Variants in GPC6 observed in about 807,000 individuals in gnomAD.
The protein encoded by GPC6 is glypican 6.
GPC6 carries 14 observed loss-of-function variants against 55.2 expected under a neutral mutation model. The observed-to-expected ratio is 0.25, with a 90% CI of 0.17 to 0.40. The LOEUF is 0.40. GPC6 is among the 10% of genes least tolerant of loss of function. The pLI is 1.00. For missense variants in GPC6, 641 were observed against 708.5 expected, an observed-to-expected ratio of 0.90 and a Z score of 1.08; for synonymous variants, 278 against 259.6, an observed-to-expected ratio of 1.07 and a Z score of -0.68.
chr13:93,588,819 C>T (rs986729036), intron 2 of GPC6, among the ~76,000 whole-genome samples: 5 of 152,266 alleles, frequency 3.3e-5, no homozygotes, highest in African/African-American at 1.2e-4. Flanking sequence ...TACATTTCAA[C>T]ATGAGATTTG....
At chr13:94,364,958 G>T (rs148883364) in intron 6 of GPC6, among the ~76,000 whole-genome samples, 361 of 152,296 alleles carry the variant, frequency 2.4e-3, no homozygotes, top group African/African-American at 8.4e-3. Flanking sequence ...ATTTGAACTT[G>T]CCCTTCTGCC....
chr13:94,105,262 G>T (rs180938487), intron 4 of GPC6, among the ~76,000 whole-genome samples: 1 of 152,272 alleles, frequency 6.6e-6, no homozygotes, highest in Non-Finnish European at 1.5e-5. Context: ...AGGAGTCTGA[G>T]ATGGGAGGAT....
chr13:94,028,041 G>C (rs549059414), intron 4 of GPC6, 147 bp downstream of exon 4: 3 of 756,646 alleles, frequency 4.0e-6, no homozygotes, highest in Non-Finnish European at 6.9e-6. Context: ...AGTACAGATG[G>C]ATTGCTTGAG....
chr13:93,784,746 T>C (rs1231109879), intron 2 of GPC6, among the ~76,000 whole-genome samples: 1 of 152,136 alleles, frequency 6.6e-6, no homozygotes, highest in Non-Finnish European at 1.5e-5. Context: ...TCCTTGTAAA[T>C]TGAAATTATA....
At chr13:94,155,954 C>T (rs1372720909) in intron 4 of GPC6, among the ~76,000 whole-genome samples, 4 of 152,110 alleles carry the variant, frequency 2.6e-5, no homozygotes, top group Non-Finnish European at 5.9e-5. Flanking sequence ...TCATTTGATC[C>T]TCACAGGTGC....
At chr13:93,350,986 G>A (rs906703417) in intron 1 of GPC6, among the ~76,000 whole-genome samples, 8 of 152,026 alleles carry the variant, frequency 5.3e-5, no homozygotes, top group Admixed American at 3.3e-4. Flanking sequence ...AAATGAAGTA[G>A]TTGAACCCTG....
intron 6 of GPC6, among the ~76,000 whole-genome samples, chr13:94,379,809 G>A (rs1304689801): frequency 6.6e-6 from 1 of 152,132 alleles, no homozygotes; most frequent in African/African-American, 2.4e-5. Context: ...GGACACTGTG[G>A]ATAAAGATAA....
At chr13:93,421,862 T>A (rs1054329601) in intron 1 of GPC6, among the ~76,000 whole-genome samples, 1 of 152,172 alleles carries the variant, frequency 6.6e-6, no homozygotes, top group African/African-American at 2.4e-5. Context: ...GGATGCTAAG[T>A]GGAGTATGTG....
At chr13:93,345,518 TA>T (rs1880397188) in intron 1 of GPC6, among the ~76,000 whole-genome samples, 1 of 151,940 alleles carries the variant, frequency 6.6e-6, no homozygotes, top group South Asian at 2.1e-4. Flanking sequence ...AATTAAAAAT[TA>T]AAAAACTGCA....
chr13:93,780,727 T>C (rs1424464227), intron 2 of GPC6, among the ~76,000 whole-genome samples: 1 of 152,172 alleles, frequency 6.6e-6, no homozygotes, highest in Non-Finnish European at 1.5e-5. Flanking sequence ...ATAGAATGAT[T>C]CAACAATAAT....
At chr13:93,340,381 G>T (rs562131281) in intron 1 of GPC6, among the ~76,000 whole-genome samples, 2 of 152,066 alleles carry the variant, frequency 1.3e-5, no homozygotes, top group Non-Finnish European at 2.9e-5. Flanking sequence ...CATTTTCAAG[G>T]CTCTTGAGAT....
chr13:94,242,091 C>T (rs1891071612), intron 4 of GPC6, among the ~76,000 whole-genome samples: 1 of 151,886 alleles, frequency 6.6e-6, no homozygotes, highest in Non-Finnish European at 1.5e-5. Flanking sequence ...ACAACAGGCC[C>T]CGGTGTGTGA....
chr13:94,226,924 C>G (rs1177939836), intron 4 of GPC6, among the ~76,000 whole-genome samples: 1 of 152,100 alleles, frequency 6.6e-6, no homozygotes, highest in Non-Finnish European at 1.5e-5. Flanking sequence ...GGAAAGATGC[C>G]ATGAACCAGC....
rs573166485 is a variant in GPC6, at chr13:93,983,546, C to T, written c.712-44183C>T. 8.9e-4 allele frequency among the ~76,000 whole-genome samples: 135 copies of T among 152,146 alleles called. 1 individual carries two copies. Among genetic ancestry groups the T allele is most frequent in the African/African-American group, 3.0e-3 (125 of 41,512 alleles). On this transcript the variant is annotated intron_variant, in intron 3 of 8. Transcript: ENST00000377047. ...CAACTCCTGGGCTCAAGCAATCCTC[C>T]CACATCATCCTCTTGAGTAGCTGAG...
intron 4 of GPC6, among the ~76,000 whole-genome samples, chr13:94,157,533 A>G (rs1474183668): frequency 6.6e-6 from 1 of 152,158 alleles, no homozygotes; most frequent in Non-Finnish European, 1.5e-5. Context: ...TGTTCTCACA[A>G]CAGTGGGCAG....
chr13:93,862,761 C>T (rs1888854905), intron 3 of GPC6, among the ~76,000 whole-genome samples: 1 of 151,672 alleles, frequency 6.6e-6, no homozygotes, highest in South Asian at 2.1e-4. Flanking sequence ...TTATTATTCC[C>T]TATGTTGCCA....
chr13:93,495,133 C>T lies in GPC6; in HGVS notation c.161-50130C>T, dbSNP rs896315274. The stretch of plus-strand genomic sequence containing the variant: ...CTGCAGAGTGTTTTCCAACTTGGTT[C>T]CATTCTCCGCATCACTTTCAGGTAC... On this transcript the variant is annotated intron_variant, in intron 1 of 8. Transcript: ENST00000377047. Among the ~76,000 whole-genome samples, 596 of 108,310 alleles carry T rather than the reference C, an allele frequency of 5.5e-3. 48 individuals carry two copies. The highest frequency in any genetic ancestry group is 0.019 in the African/African-American group (557 of 29,062). 71.1% of individuals were successfully genotyped at this position (108,310 alleles called of 152,430 possible).
chr13:93,558,342 A>G (rs375073976), intron 2 of GPC6, among the ~76,000 whole-genome samples: 3 of 152,312 alleles, frequency 2.0e-5, no homozygotes, highest in East Asian at 3.9e-4. Context: ...AGCCACTTAG[A>G]TAAGAGCATA....
intron 1 of GPC6, among the ~76,000 whole-genome samples, chr13:93,522,664 A>AAAGAC (rs1881465848): frequency 6.6e-6 from 1 of 151,890 alleles, no homozygotes; most frequent in Non-Finnish European, 1.5e-5. Context: ...CTAAGTCATC[A>AAAGAC]AAGACAAAAC....
Sources: allele counts gnomAD v4.1 joint callset (sites outside exome capture counted in the v4.1 genomes callset), GRCh38; gene constraint gnomAD v4.1.1; transcripts MANE v1.5; gene names NCBI Gene and HGNC (gene_info 2026-07-23, HGNC 2026-07-21).